The following AATF variants were observed in gnomAD, a reference collection of about 807,000 sequenced individuals.
AATF encodes apoptosis antagonizing transcription factor, also known as protein AATF.
Under a neutral mutation model 63.7 loss-of-function variants are expected in AATF, and 48 were observed. That is an observed-to-expected ratio of 0.75 (90% CI 0.60 to 0.96). The LOEUF (loss-of-function observed/expected upper bound fraction) is 0.96. Among genes scored for constraint, AATF ranks in the 40% least tolerant of loss-of-function variants. The probability of loss-of-function intolerance (pLI) is 0.00; values close to 1 mark genes in which losing one functional copy is unlikely to be tolerated. For synonymous variants in AATF, 258 were observed against 247.7 expected, an observed-to-expected ratio of 1.04 and a Z score of -0.39; for missense variants, 639 against 685.7, an observed-to-expected ratio of 0.93 and a Z score of 0.76.
intron 10 of AATF, among the ~76,000 whole-genome samples, chr17:37,022,908 G>A (rs1347703342): frequency 6.6e-6 from 1 of 151,976 alleles, no homozygotes; most frequent in Non-Finnish European, 1.5e-5. Flanking sequence ...TTACTGACAC[G>A]TCTCTTCCGT....
At chr17:37,023,135 G>A (rs1414041281) in intron 10 of AATF, among the ~76,000 whole-genome samples, 2 of 152,142 alleles carry the variant, frequency 1.3e-5, no homozygotes, top group Non-Finnish European at 2.9e-5. Context: ...TTCAAACCCT[G>A]ACTCTGTCTG....
chr17:37,046,284 G>C (rs73982206), intron 11 of AATF, among the ~76,000 whole-genome samples: 35 of 152,110 alleles, frequency 2.3e-4, no homozygotes, highest in African/African-American at 8.2e-4. Context: ...GGTCCTTCAC[G>C]CGGAGGAGAC....
chr17:37,056,341 C>T, intron 11 of AATF: 1 of 470,660 alleles, frequency 2.1e-6, no homozygotes, highest in Non-Finnish European at 3.8e-6. Flanking sequence ...AAGAGCCTGT[C>T]TGCAAAGGGC....
chr17:37,031,560 C>A, intron 10 of AATF, 54 bp from the exon 11 acceptor site: 1 of 1,390,770 alleles, frequency 7.2e-7, no homozygotes, highest in South Asian at 1.2e-5. Flanking sequence ...TGTGTTTCCT[C>A]TCCTAGGTTA....
intron 4 of AATF, among the ~76,000 whole-genome samples, chr17:36,966,374 C>T (rs558122068): frequency 1.9e-4 from 29 of 152,020 alleles, no homozygotes; most frequent in Admixed American, 6.5e-4. Flanking sequence ...AAGTGATGCT[C>T]CTGCCTCAGC....
intron 4 of AATF, among the ~76,000 whole-genome samples, chr17:36,969,981 A>C (rs1427939012): frequency 6.6e-6 from 1 of 152,192 alleles, no homozygotes; most frequent in Non-Finnish European, 1.5e-5. Context: ...TTGTGTCAGT[A>C]GTTCATTGCC....
At chr17:37,005,146 C>G (rs2071332552) in intron 8 of AATF, among the ~76,000 whole-genome samples, 1 of 152,072 alleles carries the variant, frequency 6.6e-6, no homozygotes, top group African/African-American at 2.4e-5. Context: ...GGGTGCTGCC[C>G]CAGACTCCGC....
intron 4 of AATF, among the ~76,000 whole-genome samples, chr17:36,982,233 G>GTTTTTTTT (rs61030839): frequency 8.2e-6 from 1 of 121,758 alleles, no homozygotes; most frequent in Non-Finnish European, 1.8e-5. Context: ...TTTTTGTTTT[G>GTTTTTTTT]TTTTTTTTTT....
At chr17:37,015,744 G>A (rs1421108685) in intron 8 of AATF, among the ~76,000 whole-genome samples, 1 of 152,142 alleles carries the variant, frequency 6.6e-6, no homozygotes, top group Non-Finnish European at 1.5e-5. Context: ...AGGCTCCTCT[G>A]CTTTCCTGCC....
chr17:36,987,523 CT>C (rs2071178641), intron 5 of AATF, among the ~76,000 whole-genome samples: 1 of 152,102 alleles, frequency 6.6e-6, no homozygotes, highest in African/African-American at 2.4e-5. Context: ...TACCTGCTTG[CT>C]TTTTTTCCCT....
chr17:36,980,730 A>G (rs1013670002), intron 4 of AATF, among the ~76,000 whole-genome samples: 2 of 152,016 alleles, frequency 1.3e-5, no homozygotes, highest in Non-Finnish European at 2.9e-5. Flanking sequence ...TCTGGCTTGG[A>G]GGAGGCTTAC....
intron 10 of AATF, among the ~76,000 whole-genome samples, chr17:37,028,230 A>G (rs1264153908): frequency 6.6e-6 from 1 of 151,966 alleles, no homozygotes; most frequent in Non-Finnish European, 1.5e-5. Flanking sequence ...TGGACAACAT[A>G]GCAAGACCCT....
intron 11 of AATF, chr17:37,052,201 A>T (rs2071758402): frequency 6.6e-6 from 1 of 152,086 alleles, no homozygotes; most frequent in African/African-American, 2.4e-5. Context: ...TTTTTTTAAA[A>T]AGTTGATTAT....
intron 8 of AATF, 107 bp downstream of exon 8, chr17:36,990,964 A>C (rs958761888): frequency 1.1e-5 from 8 of 743,352 alleles, no homozygotes; most frequent in Middle Eastern, 2.5e-4. Context: ...ATAGAGTCAG[A>C]CAGTGAGTTA....
chr17:36,990,892 T>C (rs1320981439), intron 8 of AATF, 35 bp downstream of exon 8: 5 of 1,443,336 alleles, frequency 3.5e-6, no homozygotes, highest in Non-Finnish European at 4.7e-6. Flanking sequence ...ACAAATCATG[T>C]TTTAGCATTT....
intron 4 of AATF, among the ~76,000 whole-genome samples, chr17:36,972,327 A>C (rs2071045638): frequency 6.6e-6 from 1 of 152,180 alleles, no homozygotes; most frequent in Non-Finnish European, 1.5e-5. Flanking sequence ...TCTCTTTGAT[A>C]AGTGATATAA....
At chr17:37,021,770 A>G (rs1234677389) in intron 10 of AATF, among the ~76,000 whole-genome samples, 2 of 86,810 alleles carry the variant, frequency 2.3e-5, no homozygotes, top group Non-Finnish European at 4.1e-5. Flanking sequence ...GCGCCACTGC[A>G]CTCCAGCCTG....
intron 4 of AATF, among the ~76,000 whole-genome samples, chr17:36,963,044 G>C (rs570786701): frequency 4.6e-5 from 7 of 152,244 alleles, no homozygotes; most frequent in African/African-American, 1.7e-4. Context: ...GCTTGAACCC[G>C]GGAGGTGGAG....
At chr17:36,968,970 C>G (rs553781723) in intron 4 of AATF, among the ~76,000 whole-genome samples, 1 of 152,286 alleles carries the variant, frequency 6.6e-6, no homozygotes, top group Admixed American at 6.5e-5. Flanking sequence ...TCTGTTTCCT[C>G]TAAGCTGCTT....
Sources: allele counts gnomAD v4.1 joint callset (sites outside exome capture counted in the v4.1 genomes callset), GRCh38; gene constraint gnomAD v4.1.1; transcripts MANE v1.5; gene names NCBI Gene and HGNC (gene_info 2026-07-23, HGNC 2026-07-21).